LMX1A: variants seen among roughly 807,000 people sequenced by gnomAD.
The protein encoded by LMX1A is LIM homeobox transcription factor 1-alpha.
LMX1A carries 15 observed loss-of-function variants against 49.1 expected under a neutral mutation model. That is an observed-to-expected ratio of 0.31 (90% CI 0.20 to 0.47). The LOEUF (loss-of-function observed/expected upper bound fraction) is 0.47, where lower values mean the gene tolerates loss of function less well. LMX1A is among the 20% of genes least tolerant of loss of function. The pLI is 1.00. For synonymous variants in LMX1A, 167 were observed against 185.7 expected, an observed-to-expected ratio of 0.90 and a Z score of 0.82; for missense variants, 372 against 475.8, an observed-to-expected ratio of 0.78 and a Z score of 2.03.
chr1:165,252,308 T>C (rs1653089879), intron 3 of LMX1A, among the ~76,000 whole-genome samples: 1 of 152,196 alleles, frequency 6.6e-6, no homozygotes, highest in South Asian at 2.1e-4. Context: ...ACATAATAGA[T>C]ATCCAATAAA....
intron 8 of LMX1A, among the ~76,000 whole-genome samples, chr1:165,205,167 C>A (rs1651022486): frequency 6.6e-6 from 1 of 152,112 alleles, no homozygotes; most frequent in South Asian, 2.1e-4. Flanking sequence ...ACAACACTAA[C>A]CTTCTCTGTA....
rs571164294 is a variant in LMX1A at position 165,339,333 on chromosome 1, C to T, written c.263+13743G>A. On this transcript the variant is annotated intron_variant, in intron 3 of 8. Transcript: ENST00000342310. ...GAGTCCTCCCAAGCATCACAGAAAG[C>T]GAAAGCTCTTCAACTGACAGGCATG... Among the ~76,000 whole-genome samples the T allele has an allele frequency of 6.6e-5, 10 of 152,310 alleles. No individual in the cohort carries two copies. The South Asian group carries it at 1.0e-3, about 16-fold the overall frequency.
chr1:165,307,696 G>A lies in LMX1A; in HGVS notation c.263+45380C>T, dbSNP rs373242106. On this transcript the variant is annotated intron_variant, in intron 3 of 8. Coordinates refer to ENST00000342310, the MANE Select transcript of LMX1A (RefSeq NM_177398.4). ...GAGTTTGCAACTAACCCCTACCCAC[G>A]TCAGCTGGTCCTGGCATTCTGCACA... 8.5e-5 allele frequency among the ~76,000 whole-genome samples: 13 copies of A among 152,240 alleles called. No individual in the cohort carries two copies. The East Asian group carries it at 1.9e-3, about 23-fold the overall frequency.
chr1:165,224,593 A>G (rs1651970374), intron 4 of LMX1A, among the ~76,000 whole-genome samples: 1 of 152,216 alleles, frequency 6.6e-6, no homozygotes, highest in Non-Finnish European at 1.5e-5. Flanking sequence ...GTTCAAGTCT[A>G]AATCATCTTT....
intron 3 of LMX1A, among the ~76,000 whole-genome samples, chr1:165,302,145 G>C (rs780252485): frequency 6.7e-6 from 1 of 150,010 alleles, no homozygotes; most frequent in Non-Finnish European, 1.5e-5. Flanking sequence ...ACTAGTGAAA[G>C]AAGAGAATGA....
intron 3 of LMX1A, among the ~76,000 whole-genome samples, chr1:165,255,371 A>G (rs536484117): frequency 6.6e-6 from 1 of 152,336 alleles, no homozygotes; most frequent in African/African-American, 2.4e-5. Context: ...TGCCTTGCTT[A>G]CATCTCTTCT....
intron 3 of LMX1A, among the ~76,000 whole-genome samples, chr1:165,283,523 A>G (rs981273558): frequency 2.0e-5 from 3 of 151,954 alleles, no homozygotes; most frequent in East Asian, 1.9e-4. Context: ...CCTCACACTC[A>G]TCTTCATCTC....
intron 8 of LMX1A, among the ~76,000 whole-genome samples, chr1:165,205,383 C>T (rs1186069692): frequency 6.6e-6 from 1 of 152,124 alleles, no homozygotes. Context: ...AAGGGAGATA[C>T]TTTCACTTTA....
intron 3 of LMX1A, among the ~76,000 whole-genome samples, chr1:165,299,904 C>T (rs930316206): frequency 2.0e-5 from 3 of 152,116 alleles, no homozygotes; most frequent in Non-Finnish European, 4.4e-5. Flanking sequence ...TCCCTGACCT[C>T]CCCCAAGACA....
intron 3 of LMX1A, among the ~76,000 whole-genome samples, chr1:165,295,200 T>A (rs1028373422): frequency 6.6e-6 from 1 of 151,550 alleles, no homozygotes; most frequent in African/African-American, 2.4e-5. Flanking sequence ...AATTGTTAAA[T>A]GAAGAAGCAG....
chr1:165,251,582 C>T (rs984964980), intron 3 of LMX1A, among the ~76,000 whole-genome samples: 4 of 152,066 alleles, frequency 2.6e-5, no homozygotes, highest in African/African-American at 7.2e-5. Flanking sequence ...GGGCATGGCT[C>T]CCAGGGTCCT....
At chr1:165,255,298 A>T (rs1335226368) in intron 3 of LMX1A, among the ~76,000 whole-genome samples, 1 of 152,158 alleles carries the variant, frequency 6.6e-6, no homozygotes, top group East Asian at 1.9e-4. Flanking sequence ...ACCTCCTCTC[A>T]CTCTCTCTTT....
chr1:165,342,152 T>C (rs903822399), intron 3 of LMX1A, among the ~76,000 whole-genome samples: 1 of 152,208 alleles, frequency 6.6e-6, no homozygotes, highest in South Asian at 2.1e-4. Context: ...GGGATTCCAT[T>C]ATCACTTTTT....
At chr1:165,305,084 G>A (rs902570274) in intron 3 of LMX1A, among the ~76,000 whole-genome samples, 1 of 152,184 alleles carries the variant, frequency 6.6e-6, no homozygotes, top group Non-Finnish European at 1.5e-5. Flanking sequence ...CAAGGAGTGT[G>A]TCTGTCTCTC....
At chr1:165,339,370 A>C (rs1283965096) in intron 3 of LMX1A, among the ~76,000 whole-genome samples, 1 of 152,262 alleles carries the variant, frequency 6.6e-6, no homozygotes, top group African/African-American at 2.4e-5. Context: ...GCATAGGCAC[A>C]GCTGACTGGT....
intron 3 of LMX1A, among the ~76,000 whole-genome samples, chr1:165,285,595 A>G (rs1215103077): frequency 6.6e-6 from 1 of 152,190 alleles, no homozygotes; most frequent in Non-Finnish European, 1.5e-5. Flanking sequence ...CCTCGGGAAG[A>G]TTATGAAAGA....
intron 3 of LMX1A, among the ~76,000 whole-genome samples, chr1:165,285,642 A>G (rs1166350082): frequency 6.6e-6 from 1 of 152,232 alleles, no homozygotes; most frequent in Non-Finnish European, 1.5e-5. Context: ...CCACTGAGGA[A>G]CAAACCAAAA....
chr1:165,205,728 T>G (rs1651046014), intron 8 of LMX1A, 136 bp downstream of exon 8: 3 of 744,852 alleles, frequency 4.0e-6, no homozygotes, highest in Non-Finnish European at 6.8e-6. Flanking sequence ...TAGGCGATTC[T>G]GGCAGTATTT....
intron 3 of LMX1A, among the ~76,000 whole-genome samples, chr1:165,328,643 T>A (rs1488351269): frequency 1.3e-5 from 2 of 152,114 alleles, no homozygotes; most frequent in Non-Finnish European, 2.9e-5. Flanking sequence ...CCCATCCAAC[T>A]CAGTCATATT....
Sources: gnomAD v4.1 joint callset for allele counts (sites outside exome capture counted in the v4.1 genomes callset) on GRCh38, gnomAD v4.1.1 for gene constraint, MANE v1.5 for transcripts, NCBI Gene and HGNC (gene_info 2026-07-23, HGNC 2026-07-21) for gene names.